PLXNC1: variants seen among roughly 807,000 people sequenced by gnomAD.
The protein encoded by PLXNC1 is plexin-C1.
In PLXNC1, 75 loss-of-function variants were observed where a neutral mutation model predicts 178.2. That is an observed-to-expected ratio of 0.42 (90% CI 0.35 to 0.51). PLXNC1 has a LOEUF of 0.51. PLXNC1 is among the 20% of genes least tolerant of loss of function. The pLI is 0.02. For missense variants in PLXNC1, 1,503 were observed against 1,984.4 expected (o/e 0.76, Z 4.61); for synonymous variants, 790 against 779.9 (o/e 1.01, Z -0.22).
chr12:94,295,717 C>T (rs1234333745), intron 24 of PLXNC1, among the ~76,000 whole-genome samples: 1 of 152,128 alleles, frequency 6.6e-6, no homozygotes, highest in Non-Finnish European at 1.5e-5. Context: ...AAGAAAGGCA[C>T]ATAATGGCAC....
rs1364643743 is a variant in PLXNC1, at chr12:94,148,987, A to G, written c.16A>G (p.Arg6Gly). ...CCCCAGCCCCATGGAGGTCTCCCGG[A>G]GGAAGGCGCCGCCGCGCCCCCCGCG... MEVSR[R>G]KAPPRPPRPA... is the part of the protein sequence containing the mutation. Residue 6 changes from arginine to glycine, a missense_variant, in exon 1 of 31, where the codon AGG (arginine) becomes GGG (glycine). Coordinates refer to ENST00000258526, the MANE Select transcript of PLXNC1 (RefSeq NM_005761.3). This position sits in a 1 kb window ranked among gnomAD's most constrained non-coding sequence, Gnocchi z 4.8. 2.1e-6 allele frequency: 3 copies of G among 1,437,196 alleles called. No homozygotes were observed. The highest frequency in any genetic ancestry group is 2.7e-6 in the Non-Finnish European group (3 of 1,100,872). The allele number at this position is 1,437,196 out of a possible 1,614,324, so 89.0% of individuals were successfully genotyped here. A position where few individuals can be genotyped will look rare whatever the true frequency, so the allele number is the denominator to read the frequency against.
chr12:94,254,774 C>A lies in PLXNC1; in HGVS notation c.2882-13C>A. 2 of 1,574,804 alleles carry A rather than the reference C, an allele frequency of 1.3e-6. No individual in the cohort carries two copies. The highest frequency in any genetic ancestry group is 1.2e-5 in the South Asian group (1 of 84,326). On this transcript the variant is annotated splice_polypyrimidine_tract_variant and intron_variant, in intron 15 of 30. Transcript: ENST00000258526. ...TTACCATGTCCCTCTGATGCAGCAT[C>A]TCTGTCTCTTAGCGGCCGTGGGGGT...
chr12:94,278,055 GC>G lies in PLXNC1; in HGVS notation c.3598-1410del, dbSNP rs777255489. On this transcript the variant is annotated intron_variant, in intron 21 of 30. Transcript: ENST00000258526. ...GGGGACCTCCTCTTTCGGCTTTGGA[GC>G]CCCCCCTCCCTCTGTCTCTGTATGG... The G allele has an allele frequency of 3.9e-5, 18 of 455,838 alleles. 1 individual carries two copies. Among genetic ancestry groups the G allele is most frequent in the African/African-American group, 1.8e-4 (9 of 50,078 alleles). The allele number at this position is 455,838 out of a possible 1,614,324, so 28.2% of individuals were successfully genotyped here.
At chr12:94,242,265 G>T (rs919347656) in intron 11 of PLXNC1, among the ~76,000 whole-genome samples, 1 of 149,064 alleles carries the variant, frequency 6.7e-6, no homozygotes, top group African/African-American at 2.5e-5. Context: ...ATGTCTTCAC[G>T]TGGTCTTCCC....
At chr12:94,250,739 C>T (rs1337290321) in intron 14 of PLXNC1, among the ~76,000 whole-genome samples, 1 of 152,120 alleles carries the variant, frequency 6.6e-6, no homozygotes, top group African/African-American at 2.4e-5. Context: ...AAATAGGATG[C>T]CAGGTACAGT....
At chr12:94,221,847 G>A (rs1963806150) in intron 6 of PLXNC1, among the ~76,000 whole-genome samples, 1 of 152,172 alleles carries the variant, frequency 6.6e-6, no homozygotes, top group South Asian at 2.1e-4. Context: ...ACATTCATGA[G>A]GGTGCAGCCC....
At chr12:94,187,939 G>A (rs1294479684) in intron 4 of PLXNC1, among the ~76,000 whole-genome samples, 2 of 152,036 alleles carry the variant, frequency 1.3e-5, no homozygotes, top group Admixed American at 6.6e-5. Context: ...TTGAGGGGCT[G>A]TGGTGTTTAG....
rs1962464694 is a variant in PLXNC1, at chr12:94,185,146, A to G, written c.1339-1227A>G. Among the ~76,000 whole-genome samples, 2 of 152,230 alleles carry G rather than the reference A, an allele frequency of 1.3e-5. 1 individual carries two copies. Among genetic ancestry groups the G allele is most frequent in the South Asian group, 4.1e-4 (2 of 4,836 alleles). On this transcript the variant is annotated intron_variant, in intron 3 of 30. Transcript: ENST00000258526. ...GTTACAGAGGCATTTGTGAACTACA[A>G]GGAAATACCTCTATTCTGGTTAATT... is the stretch of plus-strand genomic sequence containing the variant.
Position 94,279,513 on chromosome 12 carries a change from T to C in PLXNC1, c.3639T>C (p.Ser1213=). The C allele has an allele frequency of 6.2e-7, 1 of 1,613,988 alleles. No individual in the cohort carries two copies. Among genetic ancestry groups the C allele is most frequent in the Non-Finnish European group, 8.5e-7 (1 of 1,179,916 alleles). The change falls in exon 22 of 31, where the codon AGT becomes AGC. Residue 1213 remains serine (S), a synonymous_variant. Coordinates refer to ENST00000258526, the MANE Select transcript of PLXNC1 (RefSeq NM_005761.3). ...VVFEKIPENE[S]ADVCRNISVN... ...TTGAAAAAATCCCGGAAAACGAGAG[T>C]GCAGATGTCTGTCGGAATATTTCAG...
intron 5 of PLXNC1, among the ~76,000 whole-genome samples, chr12:94,217,676 A>C (rs1041278838): frequency 2.6e-5 from 4 of 152,074 alleles, no homozygotes; most frequent in Non-Finnish European, 4.4e-5. Context: ...GTCCTGCCCC[A>C]TGCCACTTCT....
chr12:94,303,900 T>C lies in PLXNC1; in HGVS notation c.4527+4T>C. On this transcript the variant is annotated splice_donor_region_variant and intron_variant, in intron 29 of 30. Coordinates refer to ENST00000258526, the MANE Select transcript of PLXNC1 (RefSeq NM_005761.3). ...ATTTTTAACTCAGGAATCTAAGGTA[T>C]CATTAGAAAGCAGAAATAAGCTTAT... 1 of 1,608,316 alleles carries C rather than the reference T, an allele frequency of 6.2e-7. No individual in the cohort carries two copies. Among genetic ancestry groups the C allele is most frequent in the East Asian group, 2.2e-5 (1 of 44,786 alleles).
intron 1 of PLXNC1, among the ~76,000 whole-genome samples, chr12:94,166,139 C>T (rs973295669): frequency 6.6e-6 from 1 of 152,066 alleles, no homozygotes; most frequent in Non-Finnish European, 1.5e-5. Context: ...TAGGGTTCTT[C>T]TTGGCAAAGA....
intron 21 of PLXNC1, among the ~76,000 whole-genome samples, chr12:94,268,429 T>C (rs1965372228): frequency 2.0e-5 from 3 of 152,068 alleles, no homozygotes; most frequent in Non-Finnish European, 4.4e-5. Flanking sequence ...CTATCAAGCA[T>C]TCCAGGCTGG....
intron 28 of PLXNC1, among the ~76,000 whole-genome samples, chr12:94,302,146 T>C (rs1330780153): frequency 3.9e-5 from 6 of 152,168 alleles, no homozygotes; most frequent in Non-Finnish European, 8.8e-5. Context: ...TATTTCCCAT[T>C]ACCTACCAGC....
intron 5 of PLXNC1, among the ~76,000 whole-genome samples, chr12:94,216,081 C>G (rs1242184714): frequency 6.6e-6 from 1 of 152,056 alleles, no homozygotes; most frequent in Non-Finnish European, 1.5e-5. Flanking sequence ...GCCTGGCCAA[C>G]CTGGTGAAAC....
At chr12:94,183,595 C>A (rs1391596525) in intron 3 of PLXNC1, among the ~76,000 whole-genome samples, 2 of 152,216 alleles carry the variant, frequency 1.3e-5, no homozygotes, top group Non-Finnish European at 2.9e-5. Context: ...AACTTGATAT[C>A]TTCCTTAATC....
chr12:94,184,471 G>A (rs953717388), intron 3 of PLXNC1, among the ~76,000 whole-genome samples: 15 of 151,518 alleles, frequency 9.9e-5, no homozygotes, highest in African/African-American at 2.7e-4. Context: ...CGCCCAGGCT[G>A]GAGTGCAGTG....
chr12:94,185,882 C>A, intron 3 of PLXNC1: 1 of 157,630 alleles, frequency 6.3e-6, no homozygotes, highest in Non-Finnish European at 1.4e-5. Flanking sequence ...AACCTGATTC[C>A]ATGATCCGTA....
chr12:94,299,528 T>A (rs747497775), intron 27 of PLXNC1, among the ~76,000 whole-genome samples: 15 of 152,064 alleles, frequency 9.9e-5, no homozygotes, highest in Admixed American at 9.2e-4. Context: ...CCCAATTCTC[T>A]ACGCTGGCTT....
Sources: gnomAD v4.1 joint callset for allele counts (sites outside exome capture counted in the v4.1 genomes callset) on GRCh38, gnomAD v4.1.1 for gene constraint, Gnocchi (gnomAD v3.1) non-coding constraint, MANE v1.5 for transcripts, NCBI Gene and HGNC (gene_info 2026-07-23, HGNC 2026-07-21) for gene names.